The following GNA12 variants were observed in gnomAD, a reference collection of about 807,000 sequenced individuals.
GNA12 encodes G protein subunit alpha 12, also known as guanine nucleotide-binding protein subunit alpha-12.
Under a neutral mutation model 26.0 loss-of-function variants are expected in GNA12, and 9 were observed. That is an observed-to-expected ratio of 0.35 (90% CI 0.21 to 0.60). The LOEUF is 0.60. GNA12 is among the 20% of genes least tolerant of loss of function. The probability of loss-of-function intolerance (pLI) is 0.78; values close to 1 mark genes in which losing one functional copy is unlikely to be tolerated. For missense variants in GNA12, 405 were observed against 525.8 expected (o/e 0.77, Z 2.25); for synonymous variants, 264 against 219.6 (o/e 1.20, Z -1.79).
At chr7:2,770,804 C>T (rs1219222479) in intron 2 of GNA12, among the ~76,000 whole-genome samples, 2 of 152,210 alleles carry the variant, frequency 1.3e-5, no homozygotes, top group East Asian at 3.8e-4. Flanking sequence ...ATCAGAGTTA[C>T]TGAAACCGAA....
At chr7:2,740,713 A>T (rs1790455686) in intron 2 of GNA12, among the ~76,000 whole-genome samples, 1 of 152,182 alleles carries the variant, frequency 6.6e-6, no homozygotes, top group South Asian at 2.1e-4. Context: ...GTTTCATAAG[A>T]TGTTTAATAG....
intron 1 of GNA12, chr7:2,835,587 G>C (rs1379572400): frequency 5.1e-6 from 3 of 584,028 alleles, no homozygotes; most frequent in East Asian, 6.0e-5. Flanking sequence ...TGGGGGCAAA[G>C]TCCCATTGTC....
chr7:2,818,385 G>A (rs1351782723), intron 1 of GNA12, among the ~76,000 whole-genome samples: 1 of 152,146 alleles, frequency 6.6e-6, no homozygotes, highest in African/African-American at 2.4e-5. Flanking sequence ...ATGTCCCCCT[G>A]GGGAGCATAG....
At chr7:2,739,088 G>A (rs889934780) in intron 2 of GNA12, among the ~76,000 whole-genome samples, 4 of 152,214 alleles carry the variant, frequency 2.6e-5, no homozygotes, top group African/African-American at 7.2e-5. Flanking sequence ...CTCGGCGTGT[G>A]CAGGGTTGCT....
rs1352843745 is a variant in GNA12, at chr7:2,814,224, A to G, written c.310-19081T>C. 9.1e-6 allele frequency: 7 copies of G among 769,490 alleles called. No homozygotes were observed. The Admixed American group carries it at 9.5e-5, about 10-fold the overall frequency. 47.7% of individuals were successfully genotyped at this position (769,490 alleles called of 1,614,324 possible). A position where few individuals can be genotyped will look rare whatever the true frequency, so the allele number is the denominator to read the frequency against. On this transcript the variant is annotated intron_variant, in intron 1 of 3. Coordinates refer to ENST00000275364, the MANE Select transcript of GNA12 (RefSeq NM_007353.3). The stretch of plus-strand genomic sequence containing the variant: ...ATCATAAATCTCCTTTTATACATCT[A>G]TGTATCCTGTTGGCTGTGCTTCTTT...
intron 1 of GNA12, among the ~76,000 whole-genome samples, chr7:2,825,824 TTAGAG>T (rs1198347460): frequency 6.6e-6 from 1 of 152,084 alleles, no homozygotes; most frequent in African/African-American, 2.4e-5. Flanking sequence ...GAACAAGTCT[TTAGAG>T]TACGCTCATT....
intron 1 of GNA12, among the ~76,000 whole-genome samples, chr7:2,804,859 G>A (rs1792905066): frequency 6.6e-6 from 1 of 151,434 alleles, no homozygotes; most frequent in African/African-American, 2.4e-5. Context: ...AGGAGTTGGA[G>A]ACCAGCCTGG....
At chr7:2,743,920 TGCTA>T (rs560820769) in intron 2 of GNA12, among the ~76,000 whole-genome samples, 53 of 151,914 alleles carry the variant, frequency 3.5e-4, no homozygotes, top group Admixed American at 3.0e-3. Context: ...TCTTGCTCAT[TGCTA>T]GCACAGCAGT....
At chr7:2,752,377 G>GTT (rs760877045) in intron 2 of GNA12, among the ~76,000 whole-genome samples, 27 of 152,180 alleles carry the variant, frequency 1.8e-4, no homozygotes, top group Non-Finnish European at 3.4e-4. Flanking sequence ...CTAACACTGG[G>GTT]TGTAAGGCAA....
intron 2 of GNA12, among the ~76,000 whole-genome samples, chr7:2,761,876 G>A (rs753345911): frequency 2.6e-5 from 4 of 152,058 alleles, no homozygotes; most frequent in South Asian, 4.1e-4. Context: ...CGTAAAATTC[G>A]GCTTCCAGCT....
At chr7:2,733,919 G>C (rs1431034479) in intron 2 of GNA12, among the ~76,000 whole-genome samples, 1 of 152,210 alleles carries the variant, frequency 6.6e-6, no homozygotes, top group African/African-American at 2.4e-5. Flanking sequence ...TGGCCTAAGG[G>C]ACCCAAGACA....
intron 2 of GNA12, among the ~76,000 whole-genome samples, chr7:2,767,667 T>C (rs1677439676): frequency 6.6e-6 from 1 of 152,236 alleles, no homozygotes; most frequent in Admixed American, 6.5e-5. Context: ...TCATTTGTAT[T>C]GTAACTCCTA....
rs369337519 is a variant in GNA12, at chr7:2,787,744, C to T, written c.525+7184G>A. ...GAGAGGCCGGGGGTAAGTGTCATTTCGCCCCTACAGCAAGGCCCAGCACTC... is the reference window on the plus strand; with the variant it reads ...GAGAGGCCGGGGGTAAGTGTCATTTTGCCCCTACAGCAAGGCCCAGCACTC... On this transcript the variant is annotated intron_variant, in intron 2 of 3. Coordinates refer to ENST00000275364, the MANE Select transcript of GNA12 (RefSeq NM_007353.3). 2.3e-4 allele frequency among the ~76,000 whole-genome samples: 35 copies of T among 152,358 alleles called. No individual in the cohort carries two copies. The East Asian group carries it at 2.7e-3, about 12-fold the overall frequency.
chr7:2,802,994 G>A (rs935067248), intron 1 of GNA12, among the ~76,000 whole-genome samples: 7 of 152,164 alleles, frequency 4.6e-5, no homozygotes, highest in Admixed American at 1.3e-4. Context: ...ACTGCCGTAC[G>A]GGATCAGGCC....
intron 1 of GNA12, among the ~76,000 whole-genome samples, chr7:2,829,716 G>T (rs551993851): frequency 1.8e-4 from 28 of 152,028 alleles, no homozygotes; most frequent in African/African-American, 6.5e-4. Context: ...TTTTCCTCTC[G>T]CCCTCTTTTC....
chr7:2,794,721 T>A (rs1038516692), intron 2 of GNA12: 1 of 589,350 alleles, frequency 1.7e-6, no homozygotes, highest in African/African-American at 1.9e-5. Context: ...TGATCTTACC[T>A]GAGTGGCTCT....
rs546468445 is a variant in GNA12, at chr7:2,762,873, C to G, written c.526-29372G>C. On this transcript the variant is annotated intron_variant, in intron 2 of 3. Coordinates refer to ENST00000275364, the MANE Select transcript of GNA12 (RefSeq NM_007353.3). ...AGCAGGAGAGGGCCAGCTCCGAGCC[C>G]TGCTCGTGGAGCCATTGGTGCTGCG... The G allele has an allele frequency of 3.7e-3, 5,390 of 1,444,914 alleles. 12 individuals carry two copies. Among genetic ancestry groups the G allele is most frequent in the Non-Finnish European group, 4.6e-3 (4,972 of 1,090,976 alleles). The allele number at this position is 1,444,914 out of a possible 1,614,324, so 89.5% of individuals were successfully genotyped here.
chr7:2,779,935 A>C (rs560810698), intron 2 of GNA12, among the ~76,000 whole-genome samples: 1 of 151,762 alleles, frequency 6.6e-6, no homozygotes. Flanking sequence ...AAATAAAAAT[A>C]ATTTAGAAAG....
Position 2,731,836 on chromosome 7 carries a change from A to C in GNA12, c.577-86T>G. ...AACAAAAAGATGGCAAAAAGATAAG[A>C]AGGAAAGAGACTGACTTTTGCAACA... is the stretch of plus-strand genomic sequence containing the variant. On this transcript the variant is annotated intron_variant, in intron 3 of 3. Coordinates refer to ENST00000275364, the MANE Select transcript of GNA12 (RefSeq NM_007353.3). The surrounding 1 kb of genome is among the most constrained non-coding windows in gnomAD (Gnocchi z 6.0). 1 of 707,430 alleles carries C rather than the reference A, an allele frequency of 1.4e-6. No homozygotes were observed. Among genetic ancestry groups the C allele is most frequent in the Non-Finnish European group, 2.2e-6 (1 of 457,302 alleles). 43.8% of individuals were successfully genotyped at this position (707,430 alleles called of 1,614,324 possible). A position where few individuals can be genotyped will look rare whatever the true frequency, so the allele number is the denominator to read the frequency against.
Sources: allele counts gnomAD v4.1 joint callset (sites outside exome capture counted in the v4.1 genomes callset), GRCh38; gene constraint gnomAD v4.1.1; non-coding constraint Gnocchi (gnomAD v3.1); transcripts MANE v1.5; gene names NCBI Gene and HGNC (gene_info 2026-07-23, HGNC 2026-07-21).